Variants in DPF3 observed in about 807,000 individuals in gnomAD.
The protein encoded by DPF3 is double PHD fingers 3.
In DPF3, 18 loss-of-function variants were observed where a neutral mutation model predicts 56.8. The observed-to-expected ratio is 0.32, with a 90% CI of 0.22 to 0.47. The LOEUF is 0.47. Among genes scored for constraint, DPF3 ranks in the 20% least tolerant of loss-of-function variants. The pLI is 1.00. For synonymous variants in DPF3, 188 were observed against 180.2 expected, an observed-to-expected ratio of 1.04 and a Z score of -0.35; for missense variants, 403 against 488.8, an observed-to-expected ratio of 0.82 and a Z score of 1.65.
intron 9 of DPF3, among the ~76,000 whole-genome samples, chr14:72,621,285 T>A (rs1884427879): frequency 6.6e-6 from 1 of 152,236 alleles, no homozygotes; most frequent in South Asian, 2.1e-4. Flanking sequence ...CTGCATCCAC[T>A]GTAGAGACTT....
intron 1 of DPF3, among the ~76,000 whole-genome samples, chr14:72,846,639 G>T (rs979648520): frequency 3.4e-4 from 33 of 97,282 alleles, no homozygotes; most frequent in African/African-American, 9.4e-4. Flanking sequence ...CCCAGCCTAG[G>T]ATAGTCTTGA....
intron 1 of DPF3, among the ~76,000 whole-genome samples, chr14:72,777,891 C>T (rs902279289): frequency 1.3e-5 from 2 of 152,146 alleles, no homozygotes; most frequent in African/African-American, 4.8e-5. Context: ...CCAATTAAAC[C>T]TGTTCTTTAT....
Position 72,618,879 on chromosome 14 carries a change from G to A in DPF3, c.*418C>T, listed in dbSNP as rs1884247652. Reference sequence around the variant, plus strand: ...TTTCAGGATGCAGACCCTAAGCTGGGGGCACGGGGGCTGTGCCAAGATTTC... The same window carrying A: ...TTTCAGGATGCAGACCCTAAGCTGGAGGCACGGGGGCTGTGCCAAGATTTC... On this transcript the variant is annotated 3_prime_UTR_variant, in exon 11 of 11. Coordinates refer to ENST00000556509, the MANE Select transcript of DPF3 (RefSeq NM_001280542.3). Among the ~76,000 whole-genome samples the A allele has an allele frequency of 6.6e-6, 1 of 152,182 alleles. No individual in the cohort carries two copies. The highest frequency in any genetic ancestry group is 2.4e-5 in the African/African-American group (1 of 41,440).
At chr14:72,620,097 T>C (rs1353291025) in intron 9 of DPF3, 113 bp from the exon 10 acceptor site, 1 of 1,105,076 alleles carries the variant, frequency 9.0e-7, no homozygotes, top group Non-Finnish European at 1.2e-6. Flanking sequence ...CTGGATCCCC[T>C]TTCCAGGCCC....
chr14:72,733,852 G>A (rs1447049679), intron 3 of DPF3, among the ~76,000 whole-genome samples: 1 of 152,160 alleles, frequency 6.6e-6, no homozygotes, highest in African/African-American at 2.4e-5. Flanking sequence ...GCGGCAAGCG[G>A]GCATCCATTA....
intron 5 of DPF3, among the ~76,000 whole-genome samples, chr14:72,715,222 A>G (rs963810538): frequency 6.6e-6 from 1 of 152,136 alleles, no homozygotes. Flanking sequence ...GACTTCTGAT[A>G]CCACCACCCT....
At chr14:72,810,645 C>T (rs1372575724) in intron 1 of DPF3, among the ~76,000 whole-genome samples, 1 of 152,050 alleles carries the variant, frequency 6.6e-6, no homozygotes, top group Non-Finnish European at 1.5e-5. Flanking sequence ...GCCTCCAAAT[C>T]CAAGAATGGC....
chr14:72,666,508 C>G (rs1426611584), intron 8 of DPF3, among the ~76,000 whole-genome samples: 1 of 152,194 alleles, frequency 6.6e-6, no homozygotes, highest in Non-Finnish European at 1.5e-5. Flanking sequence ...ATCCATACAT[C>G]ATTTACTGAG....
chr14:72,818,158 T>C (rs542674921), intron 1 of DPF3, among the ~76,000 whole-genome samples: 32 of 152,012 alleles, frequency 2.1e-4, no homozygotes, highest in African/African-American at 6.5e-4. Context: ...CAAGAATCCC[T>C]TGAACCCAGG....
intron 3 of DPF3, among the ~76,000 whole-genome samples, chr14:72,749,347 T>C (rs1295049609): frequency 6.6e-6 from 1 of 152,244 alleles, no homozygotes; most frequent in Non-Finnish European, 1.5e-5. Flanking sequence ...AATGGCTGTA[T>C]TTACCCAGTG....
intron 3 of DPF3, among the ~76,000 whole-genome samples, chr14:72,744,669 G>A (rs1474429937): frequency 2.0e-5 from 3 of 151,976 alleles, no homozygotes; most frequent in Non-Finnish European, 4.4e-5. Flanking sequence ...ACACAGCTCC[G>A]CAGACCTGAG....
chr14:72,721,153 A>G (rs904586363), intron 5 of DPF3, among the ~76,000 whole-genome samples: 3 of 152,208 alleles, frequency 2.0e-5, no homozygotes, highest in African/African-American at 4.8e-5. Context: ...AGTCTAAAGC[A>G]CCTGGCACAA....
chr14:72,822,064 C>T (rs1427097791), intron 1 of DPF3, among the ~76,000 whole-genome samples: 1 of 152,110 alleles, frequency 6.6e-6, no homozygotes, highest in Non-Finnish European at 1.5e-5. Context: ...AAATGCTATG[C>T]ATCTGTTAAA....
intron 5 of DPF3, among the ~76,000 whole-genome samples, chr14:72,722,016 C>G (rs1251555504): frequency 2.0e-5 from 3 of 151,980 alleles, no homozygotes; most frequent in African/African-American, 7.3e-5. Context: ...TTCAAACAAA[C>G]CAACTATAAA....
intron 3 of DPF3, among the ~76,000 whole-genome samples, chr14:72,739,410 C>T (rs1366989527): frequency 6.6e-6 from 1 of 152,114 alleles, no homozygotes; most frequent in East Asian, 1.9e-4. Flanking sequence ...TGTTATGGGG[C>T]CAAAGGAGAT....
chr14:72,693,597 A>C (rs1009745496), intron 6 of DPF3, among the ~76,000 whole-genome samples: 36 of 152,352 alleles, frequency 2.4e-4, no homozygotes, highest in African/African-American at 8.4e-4. Context: ...AAGTACTTAA[A>C]ACAATATCAG....
intron 3 of DPF3, among the ~76,000 whole-genome samples, chr14:72,752,558 G>A (rs1232299149): frequency 2.6e-5 from 4 of 152,190 alleles, no homozygotes; most frequent in Non-Finnish European, 5.9e-5. Flanking sequence ...AGCTACTCGG[G>A]AAGCTGAGGC....
At chr14:72,737,570 C>A (rs1239476505) in intron 3 of DPF3, among the ~76,000 whole-genome samples, 4 of 152,154 alleles carry the variant, frequency 2.6e-5, no homozygotes, top group Admixed American at 6.5e-5. Flanking sequence ...TGGAAACCTG[C>A]AAGTCGTATA....
intron 8 of DPF3, among the ~76,000 whole-genome samples, chr14:72,657,829 G>T (rs1388943607): frequency 6.6e-6 from 1 of 152,164 alleles, no homozygotes; most frequent in Non-Finnish European, 1.5e-5. Context: ...AGTTGTGACA[G>T]ATGTTTGCCT....
Sources: allele counts gnomAD v4.1 joint callset (sites outside exome capture counted in the v4.1 genomes callset), GRCh38; gene constraint gnomAD v4.1.1; transcripts MANE v1.5; gene names NCBI Gene and HGNC (gene_info 2026-07-23, HGNC 2026-07-21).